The following MAP4 variants were observed in gnomAD, a reference collection of about 807,000 sequenced individuals.
MAP4 encodes the protein microtubule-associated protein 4.
MAP4 carries 76 observed loss-of-function variants against 170.2 expected under a neutral mutation model. That is an observed-to-expected ratio of 0.45 (90% CI 0.37 to 0.54). The LOEUF is 0.54. Ranked by LOEUF, MAP4 falls within the 20% of genes least tolerant of loss-of-function variation. The pLI, the probability that MAP4 is intolerant of heterozygous loss-of-function variation, is 0.00. For missense variants in MAP4, 2,506 were observed against 2,748.0 expected (o/e 0.91, Z 1.97); for synonymous variants, 909 against 994.5 (o/e 0.91, Z 1.62).
chr3:47,998,484 A>G (rs557328730), intron 2 of MAP4, among the ~76,000 whole-genome samples, 154 bp downstream of exon 2: 1 of 152,320 alleles, frequency 6.6e-6, no homozygotes, highest in African/African-American at 2.4e-5. Context: ...AAAGGGTGGT[A>G]AGTCTACCTC....
intron 15 of MAP4, 108 bp from the exon 16 acceptor site, chr3:47,869,435 G>A (rs939534244): frequency 2.9e-5 from 21 of 726,140 alleles, no homozygotes; most frequent in Middle Eastern, 3.0e-4. Flanking sequence ...AGGCCACCAG[G>A]CAAAAGCAGG....
At chr3:48,051,897 G>C (rs2100128095) in intron 1 of MAP4, among the ~76,000 whole-genome samples, 1 of 152,042 alleles carries the variant, frequency 6.6e-6, no homozygotes, top group African/African-American at 2.4e-5. Flanking sequence ...CCAATGTGAG[G>C]GCTAAAAATT....
rs765032844 is a variant in MAP4 at position 47,910,406 on chromosome 3, C to T, written c.4015G>A (p.Val1339Ile). 2.0e-6 allele frequency: 3 copies of T among 1,536,546 alleles called. No individual in the cohort carries two copies. Among genetic ancestry groups the T allele is most frequent in the Non-Finnish European group, 2.6e-6 (3 of 1,146,922 alleles). The change falls in exon 9 of 21, where the codon GTA (valine) becomes ATA (isoleucine). Residue 1339 changes from valine to isoleucine, a missense_variant. Physicochemically the swap from Val to Ile is conservative, Grantham distance 29. Around this residue, in one of 3 missense-constraint regions of MAP4, gnomAD observed 2,008 missense variants for 2,206.0 expected, o/e 0.91. Coordinates refer to ENST00000683076, the MANE Select transcript of MAP4 (RefSeq NM_001385682.1). ...QIQGAGFVPS[V>I]VSEENKTDAA... The stretch of plus-strand genomic sequence containing the variant: ...TCTGTCTTATTCTCCTCAGATACTA[C>T]TGAAGGAACAAATCCTGCCCCCTGG...
At position 47,983,676 on chromosome 3, in the gene MAP4, C is replaced by G. The variant is rs1488183252; in HGVS notation, c.224-5743G>C. Among the ~76,000 whole-genome samples the G allele has an allele frequency of 3.3e-5, 5 of 152,310 alleles. No individual in the cohort carries two copies. In the East Asian group the frequency reaches 9.6e-4, roughly 29 times the overall value. On this transcript the variant is annotated intron_variant, in intron 2 of 20. Coordinates refer to ENST00000683076, the MANE Select transcript of MAP4 (RefSeq NM_001385682.1). ...GTGCTGGGATTACAGGAGTGAGCCA[C>G]CACGCCCAGACAATTCTATTTGTAT...
intron 2 of MAP4, among the ~76,000 whole-genome samples, chr3:47,989,867 C>G (rs2100091064): frequency 6.6e-6 from 1 of 152,090 alleles, no homozygotes. Context: ...TGAAAACTTT[C>G]TCAGTGAAAT....
At position 47,889,565 on chromosome 3, in the gene MAP4, C is replaced by G. The variant is rs186038595; in HGVS notation, c.5435-12042G>C. On this transcript the variant is annotated intron_variant, in intron 10 of 20. Coordinates refer to ENST00000683076, the MANE Select transcript of MAP4 (RefSeq NM_001385682.1). Reference sequence around the variant, plus strand: ...TCTACAGAGTGGTTAGCAGAGTCAGCATTTAAACATTTATCGGGTGAATGG... The same window carrying G: ...TCTACAGAGTGGTTAGCAGAGTCAGGATTTAAACATTTATCGGGTGAATGG... Among the ~76,000 whole-genome samples the G allele has an allele frequency of 2.0e-3, 309 of 152,340 alleles. 4 individuals are homozygous for G. The highest frequency in any genetic ancestry group is 7.7e-3 in the South Asian group (37 of 4,816).
At chr3:47,892,280 A>G in intron 10 of MAP4, 1 of 1,536,244 alleles carries the variant, frequency 6.5e-7, no homozygotes, top group Non-Finnish European at 8.7e-7. Context: ...CTGCTCCAGG[A>G]AGCTGGCATT....
chr3:48,042,719 CAG>C (rs1272445487), intron 1 of MAP4, among the ~76,000 whole-genome samples: 2 of 152,116 alleles, frequency 1.3e-5, no homozygotes, highest in Non-Finnish European at 2.9e-5. Context: ...AAAGATTAAA[CAG>C]AGTTACCATA....
At chr3:47,922,018 G>C in intron 4 of MAP4, 140 bp from the exon 5 acceptor site, 1 of 555,154 alleles carries the variant, frequency 1.8e-6, no homozygotes, top group Non-Finnish European at 3.2e-6. Flanking sequence ...TGCCATCTTG[G>C]TTCACTGCAA....
rs1301229863 is a variant in MAP4 at position 47,911,757 on chromosome 3, T to C, written c.2664A>G (p.Leu888=). 5 of 1,536,042 alleles carry C rather than the reference T, an allele frequency of 3.3e-6. No homozygotes were observed. The highest frequency in any genetic ancestry group is 4.4e-6 in the Non-Finnish European group (5 of 1,146,920). ...TCAGCAATTTCTTGTCTTGGTTTTG[T>C]AGTACTGACTTGTTACTTTTGCTCT... ...EEESKSNKSV[L]QNQDKKLLKQ... is the part of the protein sequence containing the mutation. Residue 888 remains leucine, a synonymous_variant, in exon 9 of 21, where the codon CTA becomes CTG. Transcript: ENST00000683076. This position sits in a 1 kb window ranked among gnomAD's most constrained non-coding sequence, Gnocchi z 4.0.
chr3:47,939,013 A>G (rs2100054711), intron 3 of MAP4, among the ~76,000 whole-genome samples: 1 of 152,230 alleles, frequency 6.6e-6, no homozygotes, highest in Non-Finnish European at 1.5e-5. Context: ...CAGGAAAGTC[A>G]TGCAGTAAGT....
rs780709992 is a variant in MAP4, at chr3:47,914,898, C to T, written c.1918G>A (p.Glu640Lys). 8.1e-6 allele frequency: 13 copies of T among 1,614,114 alleles called. No individual in the cohort carries two copies. The East Asian group carries it at 2.7e-4, about 33-fold the overall frequency. ...GTGKKCSLPA[E>K]EDSVLEKLGE... is the part of the protein sequence containing the mutation. ...AGTTTTTCTAACACAGAATCCTCCT[C>T]GGCCGGCAAGCTGCACTTTTTCCCC... Residue 640 changes from glutamate (E) to lysine (K), a missense_variant, in exon 8 of 21, where the codon GAG becomes AAG. Transcript: ENST00000683076.
In MAP4 at chr3:48,054,511, T is replaced by C. The variant is rs955735504; in HGVS notation, c.-20+34262A>G. On this transcript the variant is annotated intron_variant, in intron 1 of 18. Transcript: ENST00000360240. ...CAGGTGTGGTGGCGGGCGCCTGTAA[T>C]CCTAGCTACTCAGGAGGCTGAGGCA... is the stretch of plus-strand genomic sequence containing the variant. Among the ~76,000 whole-genome samples the C allele has an allele frequency of 3.3e-5, 5 of 150,160 alleles. No homozygotes were observed. The East Asian group carries it at 5.9e-4, about 18-fold the overall frequency.
At chr3:47,884,047 G>A (rs2097194573) in intron 10 of MAP4, among the ~76,000 whole-genome samples, 1 of 152,264 alleles carries the variant, frequency 6.6e-6, no homozygotes, top group Non-Finnish European at 1.5e-5. Flanking sequence ...AATTTGGGAT[G>A]TTTGTTGTCA....
intron 1 of MAP4, among the ~76,000 whole-genome samples, chr3:48,002,983 A>AATTAATTAATT: frequency 6.7e-6 from 1 of 149,908 alleles, no homozygotes; most frequent in African/African-American, 2.5e-5. Context: ...ATAAATAAAT[A>AATTAATTAATT]AATAAATAAA....
chr3:47,950,111 T>C (rs2100062751), intron 3 of MAP4, among the ~76,000 whole-genome samples: 1 of 152,182 alleles, frequency 6.6e-6, no homozygotes, highest in South Asian at 2.1e-4. Flanking sequence ...GTAGGCTCTC[T>C]CTCCAATCTG....
chr3:47,902,673 CAAAAAAAAAAAAAA>C (rs3051642), intron 10 of MAP4, among the ~76,000 whole-genome samples: 1 of 25,776 alleles, frequency 3.9e-5, no homozygotes, highest in Non-Finnish European at 6.5e-5. Context: ...GACTCTGTCT[CAAAAAAAAAAAAAA>C]AAAAAAAAAA....
At chr3:47,907,341 G>A (rs944209338) in intron 9 of MAP4, among the ~76,000 whole-genome samples, 1 of 152,170 alleles carries the variant, frequency 6.6e-6, no homozygotes, top group Non-Finnish European at 1.5e-5. Context: ...GGTTAATGGA[G>A]GGAGGCCAAC....
chr3:47,899,195 C>T (rs2100028690), intron 10 of MAP4, among the ~76,000 whole-genome samples: 1 of 152,166 alleles, frequency 6.6e-6, no homozygotes, highest in Admixed American at 6.5e-5. Flanking sequence ...CACTTAAGAA[C>T]CAGAAGGACT....
Sources: allele counts gnomAD v4.1 joint callset (sites outside exome capture counted in the v4.1 genomes callset), GRCh38; gene constraint gnomAD v4.1.1; regional missense constraint gnomAD v4.1.1; non-coding constraint Gnocchi (gnomAD v3.1); transcripts MANE v1.5; gene names NCBI Gene and HGNC (gene_info 2026-07-23, HGNC 2026-07-21).